The following MAN1A1 variants were observed in gnomAD, a reference collection of about 807,000 sequenced individuals.
The protein encoded by MAN1A1 is mannosyl-oligosaccharide 1,2-alpha-mannosidase IA.
In MAN1A1, 29 loss-of-function variants were observed where a neutral mutation model predicts 70.8. The observed-to-expected ratio is 0.41, with a 90% CI of 0.31 to 0.56. MAN1A1 has a LOEUF of 0.56. Ranked by LOEUF, MAN1A1 falls within the 20% of genes least tolerant of loss-of-function variation. The pLI is 0.29. For missense variants in MAN1A1, 747 were observed against 841.3 expected (o/e 0.89, Z 1.39); for synonymous variants, 349 against 330.1 (o/e 1.06, Z -0.62).
At chr6:119,194,753 A>G (rs1257534479) in intron 8 of MAN1A1, among the ~76,000 whole-genome samples, 1 of 152,068 alleles carries the variant, frequency 6.6e-6, no homozygotes, top group Non-Finnish European at 1.5e-5. Flanking sequence ...CCTATAGTCC[A>G]CCTTCACTGC....
At chr6:119,346,649 T>A (rs1037241619) in intron 2 of MAN1A1, among the ~76,000 whole-genome samples, 2 of 152,218 alleles carry the variant, frequency 1.3e-5, no homozygotes, top group Non-Finnish European at 2.9e-5. Flanking sequence ...TTGTCCTGAG[T>A]CTGAGACTGC....
In MAN1A1 at chr6:119,327,587, A is replaced by G. The variant is rs141580694; in HGVS notation, c.604-20595T>C. Among the ~76,000 whole-genome samples, 894 of 152,002 alleles carry G rather than the reference A, an allele frequency of 5.9e-3. 31 individuals are homozygous for G. The East Asian group carries it at 0.091, about 15-fold the overall frequency. ...GTATTTTTAATAGAGATGGGGTTTCACCATGTTGGCCAGGCTACATTCCAT... is the reference window on the plus strand; with the variant it reads ...GTATTTTTAATAGAGATGGGGTTTCGCCATGTTGGCCAGGCTACATTCCAT... On this transcript the variant is annotated intron_variant, in intron 2 of 12. Coordinates refer to ENST00000368468, the MANE Select transcript of MAN1A1 (RefSeq NM_005907.4).
intron 6 of MAN1A1, among the ~76,000 whole-genome samples, chr6:119,221,647 T>TTC (rs979488901): frequency 6.6e-6 from 1 of 152,004 alleles, no homozygotes; most frequent in Admixed American, 6.6e-5. Context: ...GAGACAGGGT[T>TTC]TCACCATGTT....
At chr6:119,204,983 CCTAG>C (rs1251494115) in intron 6 of MAN1A1, 101 bp from the exon 7 acceptor site, 2 of 1,227,390 alleles carry the variant, frequency 1.6e-6, no homozygotes, top group East Asian at 4.9e-5. Flanking sequence ...AAAAAGGCAT[CCTAG>C]CTAATAGTCC....
In MAN1A1 at chr6:119,260,976, G is replaced by GCTTTTTTTTTTTTTTTTTTTTTTT. The variant is rs1554209499; in HGVS notation, c.898-12623_898-12622insAAAAAAAAAAAAAAAAAAAAAAAG. ...TATCTAAATGTCTTGTTTTTTTATT[G>GCTTTTTTTTTTTTTTTTTTTTTTT]TTTTTTTTTTTTTTTTTTTTGAGAT... On this transcript the variant is annotated intron_variant, in intron 5 of 12. Transcript: ENST00000368468. Among the ~76,000 whole-genome samples the GCTTTTTTTTTTTTTTTTTTTTTTT allele has an allele frequency of 8.6e-5, 10 of 116,936 alleles. 1 individual carries two copies. The highest frequency in any genetic ancestry group is 1.4e-4 in the Non-Finnish European group (8 of 59,048). The allele number at this position is 116,936 out of a possible 152,430, so 76.7% of individuals were successfully genotyped here.
At chr6:119,331,176 A>G (rs1773299581) in intron 2 of MAN1A1, among the ~76,000 whole-genome samples, 1 of 152,226 alleles carries the variant, frequency 6.6e-6, no homozygotes, top group South Asian at 2.1e-4. Context: ...ATCTCTTAAG[A>G]TCAATTAAAC....
In MAN1A1 at chr6:119,349,541, C is replaced by T. The variant is rs1773844572; in HGVS notation, c.-223+1G>A. ...GAGCACCTCGGGGAGGGGCAGCGCA[C>T]CTCTGGGCAGGAGGGGCGCAGCGTG... On this transcript the variant is annotated splice_donor_variant, in intron 1 of 12. Coordinates refer to ENST00000368468, the MANE Select transcript of MAN1A1 (RefSeq NM_005907.4). LOFTEE classifies it low-confidence loss of function (5UTR_SPLICE). 2.0e-6 allele frequency: 2 copies of T among 986,186 alleles called. No individual in the cohort carries two copies. The highest frequency in any genetic ancestry group is 2.4e-6 in the Non-Finnish European group (2 of 830,356). 61.1% of individuals were successfully genotyped at this position (986,186 alleles called of 1,614,324 possible).
At position 119,260,231 on chromosome 6, in the gene MAN1A1, A is replaced by G. The variant is rs549200235; in HGVS notation, c.898-11877T>C. Among the ~76,000 whole-genome samples the G allele has an allele frequency of 2.6e-4, 39 of 152,218 alleles. 1 individual carries two copies. Among genetic ancestry groups the G allele is most frequent in the Non-Finnish European group, 4.9e-4 (33 of 68,024 alleles). ...TCTGGTAGTATAAAAACAGGTCTTG[A>G]GCCAATTTGGCCAAAGGGCTGTAGT... On this transcript the variant is annotated intron_variant, in intron 5 of 12. Transcript: ENST00000368468.
At chr6:119,254,607 T>TTACA (rs1775411653) in intron 5 of MAN1A1, among the ~76,000 whole-genome samples, 1 of 152,154 alleles carries the variant, frequency 6.6e-6, no homozygotes, top group Non-Finnish European at 1.5e-5. Context: ...AGGTGAAAAA[T>TTACA]TACAGTTCAT....
intron 6 of MAN1A1, among the ~76,000 whole-genome samples, chr6:119,219,322 G>A (rs1412469340): frequency 6.6e-6 from 1 of 151,804 alleles, no homozygotes; most frequent in African/African-American, 2.4e-5. Flanking sequence ...GGTAAATTAG[G>A]GAATGGGTCA....
chr6:119,229,978 C>T (rs1295074148), intron 6 of MAN1A1, among the ~76,000 whole-genome samples: 1 of 152,072 alleles, frequency 6.6e-6, no homozygotes, highest in African/African-American at 2.4e-5. Flanking sequence ...GTGTCAAATA[C>T]CTGCTCTTTC....
intron 2 of MAN1A1, among the ~76,000 whole-genome samples, chr6:119,321,355 C>T (rs1772999228): frequency 6.6e-6 from 1 of 152,170 alleles, no homozygotes; most frequent in Admixed American, 6.5e-5. Flanking sequence ...CTTCCCAGTA[C>T]TGAATATAAA....
At chr6:119,307,708 T>C (rs1772570975) in intron 2 of MAN1A1, among the ~76,000 whole-genome samples, 1 of 152,182 alleles carries the variant, frequency 6.6e-6, no homozygotes, top group African/African-American at 2.4e-5. Flanking sequence ...ATAAACTTTT[T>C]TCAATGACTC....
chr6:119,210,446 C>T (rs1194936986), intron 6 of MAN1A1, among the ~76,000 whole-genome samples: 1 of 152,166 alleles, frequency 6.6e-6, no homozygotes, highest in Non-Finnish European at 1.5e-5. Flanking sequence ...ATCAGTCCTA[C>T]ATGCTGCTTT....
intron 2 of MAN1A1, among the ~76,000 whole-genome samples, chr6:119,340,218 CTT>C (rs1447638037): frequency 3.9e-5 from 6 of 152,304 alleles, no homozygotes; most frequent in South Asian, 4.1e-4. Flanking sequence ...GGTCTGTTCT[CTT>C]GTCTTATGCC....
rs566801820 is a variant in MAN1A1, at chr6:119,178,280, T to G, written c.*1539A>C. 3.5e-4 allele frequency: 53 copies of G among 152,264 alleles called. 1 individual carries two copies. Among genetic ancestry groups the G allele is most frequent in the African/African-American group, 1.3e-3 (53 of 41,578 alleles). The allele number at this position is 152,264 out of a possible 1,614,324, so 9.4% of individuals were successfully genotyped here. A position where few individuals can be genotyped will look rare whatever the true frequency, so the allele number is the denominator to read the frequency against. On this transcript the variant is annotated 3_prime_UTR_variant, in exon 13 of 13. Coordinates refer to ENST00000368468, the MANE Select transcript of MAN1A1 (RefSeq NM_005907.4). Reference sequence around the variant, plus strand: ...CTAAGAAAATAATTGTCTTCAATAATATTAGGTGGAACCATATGAAACTGC... The same window carrying G: ...CTAAGAAAATAATTGTCTTCAATAAGATTAGGTGGAACCATATGAAACTGC...
intron 6 of MAN1A1, among the ~76,000 whole-genome samples, chr6:119,228,423 T>C (rs183179178): frequency 6.6e-6 from 1 of 152,298 alleles, no homozygotes; most frequent in East Asian, 1.9e-4. Context: ...TTCAAAAATC[T>C]TAATAATTCT....
At chr6:119,260,861 T>C (rs947418117) in intron 5 of MAN1A1, among the ~76,000 whole-genome samples, 3 of 152,032 alleles carry the variant, frequency 2.0e-5, no homozygotes, top group African/African-American at 7.2e-5. Context: ...CAGACTGAAA[T>C]AGTTTGGCAG....
chr6:119,266,997 G>A (rs371736698), intron 5 of MAN1A1, among the ~76,000 whole-genome samples: 58 of 152,094 alleles, frequency 3.8e-4, no homozygotes, highest in African/African-American at 1.3e-3. Flanking sequence ...GTTCCACATC[G>A]CAAATCATCA....
Sources: gnomAD v4.1 joint callset for allele counts (sites outside exome capture counted in the v4.1 genomes callset) on GRCh38, gnomAD v4.1.1 for gene constraint, MANE v1.5 for transcripts, NCBI Gene and HGNC (gene_info 2026-07-23, HGNC 2026-07-21) for gene names.